LDB2: variants seen among roughly 807,000 people sequenced by gnomAD.
LDB2 encodes LIM domain-binding protein 2.
LDB2 carries 12 observed loss-of-function variants against 44.3 expected under a neutral mutation model. The ratio of observed to expected loss-of-function variants is 0.27; its 90% CI spans 0.17 to 0.44. The LOEUF is 0.44. LDB2 is among the 20% of genes least tolerant of loss of function. The pLI, the probability that LDB2 is intolerant of heterozygous loss-of-function variation, is 1.00. For synonymous variants in LDB2, 164 were observed against 174.8 expected, an observed-to-expected ratio of 0.94 and a Z score of 0.49; for missense variants, 344 against 473.5, an observed-to-expected ratio of 0.73 and a Z score of 2.54.
In LDB2 at chr4:16,618,508, T is replaced by A. The variant is rs1176678527; in HGVS notation, c.236-22633A>T. 2.0e-5 allele frequency among the ~76,000 whole-genome samples: 3 copies of A among 152,348 alleles called. No individual in the cohort carries two copies. The East Asian group carries it at 5.8e-4, about 29-fold the overall frequency. On this transcript the variant is annotated intron_variant, in intron 2 of 7. Transcript: ENST00000304523. ...GTGTGTACATATGTGCATGTGTGTT[T>A]GTGTATGTGTGTATATACACATATG... is the stretch of plus-strand genomic sequence containing the variant.
chr4:16,766,497 T>C (rs1769289659), intron 1 of LDB2, among the ~76,000 whole-genome samples: 1 of 109,002 alleles, frequency 9.2e-6, no homozygotes. Context: ...TGTGTGTGTG[T>C]GTGTGTGTAT....
chr4:16,771,333 A>T (rs1770632032), intron 1 of LDB2, among the ~76,000 whole-genome samples: 1 of 152,190 alleles, frequency 6.6e-6, no homozygotes, highest in Admixed American at 6.5e-5. Context: ...TTTCTTGATG[A>T]TGGTCAATCA....
chr4:16,753,554 T>C (rs1765887160), intron 2 of LDB2, among the ~76,000 whole-genome samples: 1 of 152,240 alleles, frequency 6.6e-6, no homozygotes. Context: ...TTCTTCAGAC[T>C]ATCTAATGAG....
At chr4:16,549,433 T>C (rs1283920912) in intron 5 of LDB2, among the ~76,000 whole-genome samples, 1 of 152,226 alleles carries the variant, frequency 6.6e-6, no homozygotes, top group East Asian at 1.9e-4. Flanking sequence ...ACATTCAGTC[T>C]ATCAGCAAAT....
At chr4:16,598,695 G>A (rs977994474) in intron 2 of LDB2, among the ~76,000 whole-genome samples, 1 of 151,918 alleles carries the variant, frequency 6.6e-6, no homozygotes, top group Non-Finnish European at 1.5e-5. Context: ...GGGAAGTTTT[G>A]CCAGGAAAAA....
At chr4:16,827,018 C>T (rs954051186) in intron 1 of LDB2, among the ~76,000 whole-genome samples, 9 of 152,120 alleles carry the variant, frequency 5.9e-5, no homozygotes, top group Admixed American at 1.3e-4. Context: ...AAGATTCCCT[C>T]GTGAGAACCT....
intron 1 of LDB2, among the ~76,000 whole-genome samples, chr4:16,832,074 T>A (rs158264): frequency 0.62 from 94,963 of 152,052 alleles, 29,874 homozygotes; most frequent in East Asian, 0.72. Flanking sequence ...TGTTTAAAAC[T>A]GTTATTTTGG....
intron 5 of LDB2, among the ~76,000 whole-genome samples, chr4:16,566,795 CTG>C (rs1744690134): frequency 6.6e-6 from 1 of 152,062 alleles, no homozygotes; most frequent in Non-Finnish European, 1.5e-5. Context: ...TCCTACATAT[CTG>C]TAAGGAAAAA....
At chr4:16,726,641 C>T (rs2152690657) in intron 2 of LDB2, 2 of 152,274 alleles carry the variant, frequency 1.3e-5, no homozygotes, top group South Asian at 4.1e-4. Context: ...TTTAAGCCAC[C>T]TTAGCCGAAT....
At chr4:16,603,494 T>C (rs1176080650) in intron 2 of LDB2, among the ~76,000 whole-genome samples, 5 of 152,178 alleles carry the variant, frequency 3.3e-5, no homozygotes, top group Non-Finnish European at 7.3e-5. Flanking sequence ...TATTTATACC[T>C]TGGAGGATCT....
intron 7 of LDB2, chr4:16,503,196 T>C: frequency 6.6e-7 from 1 of 1,505,430 alleles, no homozygotes; most frequent in Non-Finnish European, 8.9e-7. Flanking sequence ...TTGCCGACAT[T>C]GGGGACTTTT....
At chr4:16,548,064 T>C (rs1736390083) in intron 5 of LDB2, among the ~76,000 whole-genome samples, 1 of 151,986 alleles carries the variant, frequency 6.6e-6, no homozygotes, top group East Asian at 1.9e-4. Context: ...GTTCAAGGGA[T>C]TCTCCTGCCT....
At chr4:16,707,995 C>G (rs527872188) in intron 2 of LDB2, among the ~76,000 whole-genome samples, 27 of 152,274 alleles carry the variant, frequency 1.8e-4, no homozygotes, top group African/African-American at 5.8e-4. Context: ...TTCCCGTGTT[C>G]AAACTGACAC....
chr4:16,690,719 A>C (rs1750559011), intron 2 of LDB2, among the ~76,000 whole-genome samples: 1 of 152,192 alleles, frequency 6.6e-6, no homozygotes, highest in South Asian at 2.1e-4. Flanking sequence ...AAATCCTATC[A>C]GTTAAGTTTG....
chr4:16,880,571 G>T (rs1719760240), intron 1 of LDB2, among the ~76,000 whole-genome samples: 1 of 152,084 alleles, frequency 6.6e-6, no homozygotes, highest in Admixed American at 6.6e-5. Flanking sequence ...GTAAACCTCG[G>T]AGCCTACTAC....
intron 5 of LDB2, among the ~76,000 whole-genome samples, chr4:16,565,994 G>A (rs538961297): frequency 7.3e-5 from 11 of 151,490 alleles, no homozygotes; most frequent in South Asian, 4.2e-4. Flanking sequence ...ACACACACAA[G>A]AAACTCTCAA....
chr4:16,622,908 C>T (rs1313932533), intron 2 of LDB2, among the ~76,000 whole-genome samples: 1 of 152,188 alleles, frequency 6.6e-6, no homozygotes, highest in East Asian at 1.9e-4. Context: ...GATCTCAACT[C>T]TGATTAACTT....
intron 2 of LDB2, among the ~76,000 whole-genome samples, chr4:16,607,228 C>G (rs1724197357): frequency 6.6e-6 from 1 of 152,226 alleles, no homozygotes; most frequent in Non-Finnish European, 1.5e-5. Flanking sequence ...TCAATCTCAT[C>G]TACTTCCTCA....
chr4:16,681,045 A>C (rs1226910006), intron 2 of LDB2, among the ~76,000 whole-genome samples: 1 of 152,236 alleles, frequency 6.6e-6, no homozygotes, highest in Non-Finnish European at 1.5e-5. Context: ...AGGTACTGCT[A>C]TAAAGAGATT....
Sources: gnomAD v4.1 joint callset for allele counts (sites outside exome capture counted in the v4.1 genomes callset) on GRCh38, gnomAD v4.1.1 for gene constraint, MANE v1.5 for transcripts, NCBI Gene and HGNC (gene_info 2026-07-23, HGNC 2026-07-21) for gene names.